PARD3B: variants seen among roughly 807,000 people sequenced by gnomAD.
The protein encoded by PARD3B is par-3 family cell polarity regulator beta, also known as partitioning defective 3 homolog B.
In PARD3B, 103 loss-of-function variants were observed where a neutral mutation model predicts 130.2. The observed-to-expected ratio is 0.79, with a 90% CI of 0.67 to 0.93. PARD3B has a LOEUF of 0.93. Ranked by LOEUF, PARD3B falls within the 40% of genes least tolerant of loss-of-function variation. The pLI is 0.00. For missense variants in PARD3B, 1,609 were observed against 1,499.2 expected, an observed-to-expected ratio of 1.07 and a Z score of -1.21; for synonymous variants, 583 against 553.2, an observed-to-expected ratio of 1.05 and a Z score of -0.76.
chr2:204,824,931 G>A (rs1208489677), intron 2 of PARD3B, among the ~76,000 whole-genome samples: 3 of 152,164 alleles, frequency 2.0e-5, no homozygotes, highest in East Asian at 3.9e-4. Context: ...TCTGGGCGGC[G>A]TATGTGTTCT....
intron 13 of PARD3B, among the ~76,000 whole-genome samples, chr2:205,178,936 AG>A (rs1469237740): frequency 6.6e-6 from 1 of 152,222 alleles, no homozygotes; most frequent in Non-Finnish European, 1.5e-5. Flanking sequence ...AAACAGCCTC[AG>A]GCAGTTCCTT....
intron 1 of PARD3B, among the ~76,000 whole-genome samples, chr2:204,649,911 AG>A (rs563334466): frequency 1.7e-4 from 26 of 152,320 alleles, no homozygotes; most frequent in African/African-American, 6.3e-4. Flanking sequence ...AAAATTGACA[AG>A]TGAGATCTAA....
At chr2:204,805,394 C>A (rs1298580286) in intron 2 of PARD3B, among the ~76,000 whole-genome samples, 3 of 152,026 alleles carry the variant, frequency 2.0e-5, no homozygotes, top group Non-Finnish European at 4.4e-5. Context: ...AGACCAATAA[C>A]AACTAATGAA....
chr2:204,729,376 C>G (rs529125395), intron 2 of PARD3B, among the ~76,000 whole-genome samples: 6 of 152,228 alleles, frequency 3.9e-5, no homozygotes, highest in South Asian at 2.1e-4. Flanking sequence ...TTGCCTACCC[C>G]CTTAAGGAGA....
At chr2:204,855,784 T>A (rs1486285985) in intron 2 of PARD3B, among the ~76,000 whole-genome samples, 1 of 152,006 alleles carries the variant, frequency 6.6e-6, no homozygotes, top group Non-Finnish European at 1.5e-5. Flanking sequence ...AGATTCCTCA[T>A]GTGAGTGAGA....
At chr2:205,395,729 T>C (rs970125796) in intron 18 of PARD3B, among the ~76,000 whole-genome samples, 1 of 152,224 alleles carries the variant, frequency 6.6e-6, no homozygotes, top group Non-Finnish European at 1.5e-5. Context: ...GGATCCCCAG[T>C]CAGTTAAATC....
At chr2:204,839,002 A>C (rs1440952858) in intron 2 of PARD3B, among the ~76,000 whole-genome samples, 1 of 152,146 alleles carries the variant, frequency 6.6e-6, no homozygotes, top group East Asian at 1.9e-4. Flanking sequence ...GATTTTAACC[A>C]TGAAGTTAAA....
In PARD3B at chr2:205,235,121, TA is replaced by T. The variant is rs531784305; in HGVS notation, c.2141-10650del. 7.5e-3 allele frequency among the ~76,000 whole-genome samples: 1,133 copies of T among 152,062 alleles called. 17 individuals are homozygous for T. Among genetic ancestry groups the T allele is most frequent in the African/African-American group, 0.026 (1,063 of 41,504 alleles). On this transcript the variant is annotated intron_variant, in intron 15 of 22. Transcript: ENST00000406610. ...CAAATAAATGACCTCAGCTTTCACT[TA>T]AAAAAATGGTAAGAGAGGCTGTGTG...
chr2:205,275,257 C>A (rs2040893328), intron 16 of PARD3B, among the ~76,000 whole-genome samples: 1 of 151,410 alleles, frequency 6.6e-6, no homozygotes, highest in African/African-American at 2.4e-5. Context: ...ATTTACCATG[C>A]ACTGAAAATA....
chr2:204,742,162 T>A (rs959486584), intron 2 of PARD3B, among the ~76,000 whole-genome samples: 2 of 152,230 alleles, frequency 1.3e-5, no homozygotes, highest in Non-Finnish European at 2.9e-5. Flanking sequence ...TGTACCTTCT[T>A]ATCCTTCTGA....
chr2:204,573,489 A>C (rs921460675), intron 1 of PARD3B, among the ~76,000 whole-genome samples: 5 of 152,162 alleles, frequency 3.3e-5, no homozygotes, highest in Non-Finnish European at 7.3e-5. Flanking sequence ...TGACCCTCCC[A>C]TATCAGTCAG....
In PARD3B at chr2:205,366,052, C is replaced by T. The variant is rs2044595211; in HGVS notation, c.2631-34961C>T. 6.6e-6 allele frequency among the ~76,000 whole-genome samples: 1 copy of T among 152,056 alleles called. No homozygotes were observed. Among genetic ancestry groups the T allele is most frequent in the Non-Finnish European group, 1.5e-5 (1 of 68,006 alleles). On this transcript the variant is annotated intron_variant, in intron 18 of 22. Transcript: ENST00000406610. This position sits in a 1 kb window ranked among gnomAD's most constrained non-coding sequence, Gnocchi z 5.0. ...CCATTTATCCTATCTATCTACCCAC[C>T]CACCCATCTATCCCCCCACTCATCC...
At chr2:205,071,858 C>T (rs1700754039) in intron 4 of PARD3B, among the ~76,000 whole-genome samples, 1 of 151,950 alleles carries the variant, frequency 6.6e-6, no homozygotes, top group South Asian at 2.1e-4. Context: ...ACATTGCTGT[C>T]TATAGATCCA....
chr2:205,435,762 T>G (rs1298613972), intron 19 of PARD3B, among the ~76,000 whole-genome samples: 1 of 152,128 alleles, frequency 6.6e-6, no homozygotes, highest in Non-Finnish European at 1.5e-5. Flanking sequence ...TGATTTTCAT[T>G]AGTTTTTTCT....
At position 205,281,113 on chromosome 2, in the gene PARD3B, T is replaced by G. The variant is rs2041169468; in HGVS notation, c.2186-19417T>G. Among the ~76,000 whole-genome samples the G allele has an allele frequency of 6.6e-6, 1 of 152,160 alleles. No homozygotes were observed. Among genetic ancestry groups the G allele is most frequent in the Non-Finnish European group, 1.5e-5 (1 of 68,022 alleles). ...TTAGGGCTTCTTACATTAGAGTGGC[T>G]GCTGGGCTGCTGGGGAGGGGCATAG... On this transcript the variant is annotated intron_variant, in intron 16 of 22. Transcript: ENST00000406610. This position sits in a 1 kb window ranked among gnomAD's most constrained non-coding sequence, Gnocchi z 4.2.
At chr2:205,428,025 T>C (rs2047202621) in intron 19 of PARD3B, among the ~76,000 whole-genome samples, 1 of 152,126 alleles carries the variant, frequency 6.6e-6, no homozygotes, top group Non-Finnish European at 1.5e-5. Context: ...ATCAGCGTGA[T>C]AGTATTAGGA....
rs1483903295 is a variant in PARD3B, at chr2:205,301,450, T to A, written c.2393-14T>A. The A allele has an allele frequency of 6.3e-7, 1 of 1,589,340 alleles. No individual in the cohort carries two copies. Among genetic ancestry groups the A allele is most frequent in the Non-Finnish European group, 8.5e-7 (1 of 1,171,516 alleles). On this transcript the variant is annotated splice_polypyrimidine_tract_variant and intron_variant, in intron 17 of 22. Coordinates refer to ENST00000406610, the MANE Select transcript of PARD3B (RefSeq NM_001302769.2). The surrounding 1 kb of genome is among the most constrained non-coding windows in gnomAD (Gnocchi z 5.2). ...CCCCTGACCATGGGTATTGATTATT[T>A]TTTCTCTGTACAGACGGTCTGTCTG...
intron 2 of PARD3B, among the ~76,000 whole-genome samples, chr2:204,839,565 T>G (rs2044187059): frequency 6.6e-6 from 1 of 152,182 alleles, no homozygotes; most frequent in African/African-American, 2.4e-5. Flanking sequence ...TTCTTAACTT[T>G]CTATTTACTC....
chr2:205,257,777 T>C (rs773290841), intron 16 of PARD3B, among the ~76,000 whole-genome samples: 1 of 152,162 alleles, frequency 6.6e-6, no homozygotes, highest in Non-Finnish European at 1.5e-5. Flanking sequence ...ATTGTTGAGG[T>C]TTGAAAAGCA....
Sources: allele counts gnomAD v4.1 joint callset (sites outside exome capture counted in the v4.1 genomes callset), GRCh38; gene constraint gnomAD v4.1.1; non-coding constraint Gnocchi (gnomAD v3.1); transcripts MANE v1.5; gene names NCBI Gene and HGNC (gene_info 2026-07-23, HGNC 2026-07-21).